Variants in RBFOX1 observed in about 807,000 individuals in gnomAD.
The protein encoded by RBFOX1 is RNA binding fox-1 homolog 1, also known as RNA binding protein fox-1 homolog 1.
RBFOX1 carries 8 observed loss-of-function variants against 57.7 expected under a neutral mutation model. The ratio of observed to expected loss-of-function variants is 0.14; its 90% CI spans 0.08 to 0.25. The LOEUF (loss-of-function observed/expected upper bound fraction) is 0.25. Ranked by LOEUF, RBFOX1 falls within the 10% of genes least tolerant of loss-of-function variation. The probability of loss-of-function intolerance (pLI) is 1.00; values close to 1 mark genes in which losing one functional copy is unlikely to be tolerated. For synonymous variants in RBFOX1, 326 were observed against 222.4 expected (o/e 1.47, Z -4.15); for missense variants, 611 against 548.5 (o/e 1.11, Z -1.14).
chr16:5,672,488 T>G (rs971324585), intron 3 of RBFOX1, among the ~76,000 whole-genome samples: 1 of 152,120 alleles, frequency 6.6e-6, no homozygotes, highest in Admixed American at 6.5e-5. Flanking sequence ...CCTCATTCTT[T>G]AAGGACAAGC....
intron 4 of RBFOX1, among the ~76,000 whole-genome samples, chr16:6,003,002 G>A (rs992824867): frequency 4.6e-5 from 7 of 152,154 alleles, no homozygotes; most frequent in African/African-American, 1.4e-4. Context: ...AGGGAAGACT[G>A]GGCGTGGTGG....
At chr16:5,380,533 C>A (rs1209440802) in intron 1 of RBFOX1, among the ~76,000 whole-genome samples, 1 of 152,190 alleles carries the variant, frequency 6.6e-6, no homozygotes, top group Non-Finnish European at 1.5e-5. Context: ...AGTCTTCATG[C>A]CAAGCTGCGA....
intron 3 of RBFOX1, among the ~76,000 whole-genome samples, chr16:6,895,448 G>GTGTGTGTGTGTGTA (rs869028735): frequency 9.2e-5 from 5 of 54,630 alleles, no homozygotes; most frequent in African/African-American, 3.5e-4. Context: ...GTGTGTGTGT[G>GTGTGTGTGTGTGTA]TATATATATA....
intron 3 of RBFOX1, among the ~76,000 whole-genome samples, chr16:6,662,285 C>G (rs752466238): frequency 1.2e-4 from 18 of 152,036 alleles, no homozygotes; most frequent in Non-Finnish European, 1.3e-4. Context: ...CAACTGTTCT[C>G]ACACACACAC....
rs892273367 is a variant in RBFOX1 at position 5,869,880 on chromosome 16, A to C, written c.351+2545A>C. Among the ~76,000 whole-genome samples the C allele has an allele frequency of 2.6e-5, 4 of 152,294 alleles. No homozygotes were observed. In the East Asian group the frequency reaches 7.7e-4, roughly 29 times the overall value. On this transcript the variant is annotated intron_variant, in intron 4 of 19. Coordinates refer to the RBFOX1 transcript ENST00000641259. ...AAACAACACATGCAAGAATTCCCATAAAGGATTTATTTACCATACCCAAAC... is the reference window on the plus strand; with the variant it reads ...AAACAACACATGCAAGAATTCCCATCAAGGATTTATTTACCATACCCAAAC...
At chr16:6,407,294 C>G (rs575725006) in intron 2 of RBFOX1, among the ~76,000 whole-genome samples, 2 of 152,000 alleles carry the variant, frequency 1.3e-5, no homozygotes, top group Non-Finnish European at 2.9e-5. Flanking sequence ...ATATCCATAT[C>G]AAATATGTAC....
intron 2 of RBFOX1, among the ~76,000 whole-genome samples, chr16:6,482,593 G>A (rs751786426): frequency 1.3e-5 from 2 of 152,200 alleles, no homozygotes; most frequent in African/African-American, 2.4e-5. Flanking sequence ...GACGACAGTT[G>A]TTTTTCTCCT....
intron 1 of RBFOX1, among the ~76,000 whole-genome samples, chr16:5,247,907 G>A (rs1002559635): frequency 3.2e-4 from 48 of 152,202 alleles, no homozygotes; most frequent in African/African-American, 1.1e-3. Context: ...CAGGTCTTTG[G>A]TATCAGGGGC....
chr16:6,304,095 C>T (rs1310423980), intron 1 of RBFOX1, among the ~76,000 whole-genome samples: 3 of 151,718 alleles, frequency 2.0e-5, no homozygotes. Context: ...CAGGTGTGAG[C>T]CACTGCGCCC....
At chr16:6,893,512 C>G (rs898554905) in intron 3 of RBFOX1, among the ~76,000 whole-genome samples, 1 of 152,112 alleles carries the variant, frequency 6.6e-6, no homozygotes, top group Non-Finnish European at 1.5e-5. Context: ...AGCTGGGGCT[C>G]TATGCTGAGC....
At position 7,518,331 on chromosome 16, in the gene RBFOX1, C is replaced by A. The variant is rs781081302; in HGVS notation, c.212C>A (p.Thr71Lys). ...TTAAACCTGTACCCTCCCGCCCAGA[C>A]GCACTCCGAGCAGAGCCCGGCGGAC... Reference protein sequence around the residue: ...HTLNLYPPAQTHSEQSPADTS... With the variant: ...HTLNLYPPAQKHSEQSPADTS... Residue 71 changes from threonine to lysine, a missense_variant, in exon 5 of 16, where the codon ACG becomes AAG. Physicochemically the swap from Thr to Lys is moderately conservative, Grantham distance 78. Around this residue, in one of 3 missense-constraint regions of RBFOX1, gnomAD observed 245 missense variants for 159.1 expected, o/e 1.54. Coordinates refer to ENST00000550418, the MANE Select transcript of RBFOX1 (RefSeq NM_018723.4). The A allele has an allele frequency of 2.5e-6, 4 of 1,613,810 alleles. No homozygotes were observed. In the African/African-American group the frequency reaches 4.0e-5, roughly 16 times the overall value.
intron 1 of RBFOX1, among the ~76,000 whole-genome samples, chr16:6,221,425 A>G (rs1439371856): frequency 6.6e-6 from 1 of 152,220 alleles, no homozygotes; most frequent in East Asian, 1.9e-4. Context: ...CTGCCCAGAT[A>G]ACACTTAGAG....
chr16:7,013,971 C>T (rs1275697532), intron 3 of RBFOX1, among the ~76,000 whole-genome samples: 1 of 152,104 alleles, frequency 6.6e-6, no homozygotes, highest in Non-Finnish European at 1.5e-5. Flanking sequence ...ATGCTATATA[C>T]TCTATTCCGT....
Position 5,882,178 on chromosome 16 carries a change from C to G in RBFOX1, c.351+14843C>G, listed in dbSNP as rs549440839. 7.9e-5 allele frequency among the ~76,000 whole-genome samples: 12 copies of G among 152,306 alleles called. No homozygotes were observed. The South Asian group carries it at 2.5e-3, about 32-fold the overall frequency. On this transcript the variant is annotated intron_variant, in intron 4 of 19. Coordinates refer to the RBFOX1 transcript ENST00000641259. ...TCCACACACTGTGAAGGTGAAATCA[C>G]TAACCTCTACTGCCTTGTTTTCCAC...
chr16:5,772,139 T>G (rs2054000238), intron 3 of RBFOX1, among the ~76,000 whole-genome samples: 1 of 152,078 alleles, frequency 6.6e-6, no homozygotes, highest in South Asian at 2.1e-4. Context: ...ACCAGCACAC[T>G]CCAGCCTGGG....
At chr16:6,015,550 C>T (rs1376689556), upstream of RBFOX1, among the ~76,000 whole-genome samples, 1 of 152,228 alleles carries the variant, frequency 6.6e-6, no homozygotes, top group African/African-American at 2.4e-5. Context: ...GTTCCAGCTT[C>T]TACTCTCTTG....
chr16:5,887,591 A>G (rs1013773191), intron 4 of RBFOX1, among the ~76,000 whole-genome samples: 86 of 152,156 alleles, frequency 5.7e-4, no homozygotes, highest in Admixed American at 5.1e-3. Context: ...TTAAGTAGAG[A>G]TGAGGTTTCA....
rs1303621980 is a variant in RBFOX1 at position 5,956,670 on chromosome 16, A to ATTTTTTTT, written c.351+89336_351+89337insTTTTTTTT. Among the ~76,000 whole-genome samples, 34 of 45,810 alleles carry ATTTTTTTT rather than the reference A, an allele frequency of 7.4e-4. No individual in the cohort carries two copies. The East Asian group carries it at 0.01, about 14-fold the overall frequency. The allele number at this position is 45,810 out of a possible 152,430, so 30.1% of individuals were successfully genotyped here. On this transcript the variant is annotated intron_variant, in intron 4 of 19. Coordinates refer to the RBFOX1 transcript ENST00000641259. Reference sequence around the variant, plus strand: ...TATATATATATATTTATATATATATATATATATATTTTTTTTGAGGCACAG... The same window carrying ATTTTTTTT: ...TATATATATATATTTATATATATATATTTTTTTTTATATATATTTTTTTTGAGGCACAG...
chr16:6,848,865 A>G (rs1305164062), intron 3 of RBFOX1, among the ~76,000 whole-genome samples: 2 of 152,178 alleles, frequency 1.3e-5, no homozygotes, highest in Non-Finnish European at 2.9e-5. Context: ...CACTGATTGT[A>G]TTTCCTCAGG....
Sources: gnomAD v4.1 joint callset for allele counts (sites outside exome capture counted in the v4.1 genomes callset) on GRCh38, gnomAD v4.1.1 for gene constraint, gnomAD v4.1.1 regional missense constraint, MANE v1.5 for transcripts, NCBI Gene and HGNC (gene_info 2026-07-23, HGNC 2026-07-21) for gene names.